Variants in RSPRY1 observed in about 807,000 individuals in gnomAD.
The protein encoded by RSPRY1 is RING finger and SPRY domain-containing protein 1.
RSPRY1 carries 23 observed loss-of-function variants against 73.1 expected under a neutral mutation model. The ratio of observed to expected loss-of-function variants is 0.31; its 90% confidence interval spans 0.23 to 0.45. The LOEUF is 0.45. Among genes scored for constraint, RSPRY1 ranks in the 20% least tolerant of loss-of-function variants. RSPRY1 has a pLI of 1.00. For synonymous variants in RSPRY1, 226 were observed against 251.4 expected (o/e 0.90, Z 0.95); for missense variants, 448 against 698.7 (o/e 0.64, Z 4.05).
Position 57,240,169 on chromosome 16 carries a change from T to A in RSPRY1, c.*1194T>A, listed in dbSNP as rs2075356755. On this transcript the variant is annotated 3_prime_UTR_variant, in exon 15 of 15. Transcript: ENST00000394420. ...AGTTTATACTTGAATAGTAAATATG[T>A]CTTCTGAGTTTTACAGTGTCTTAAA... 2 of 152,194 alleles carry A rather than the reference T, an allele frequency of 1.3e-5. No individual in the cohort carries two copies. The highest frequency in any genetic ancestry group is 2.9e-5 in the Non-Finnish European group (2 of 68,036). 9.4% of individuals were successfully genotyped at this position (152,194 alleles called of 1,614,324 possible).
intron 1 of RSPRY1, among the ~76,000 whole-genome samples, chr16:57,190,162 G>A (rs1323405956): frequency 6.6e-6 from 1 of 151,158 alleles, no homozygotes; most frequent in African/African-American, 2.5e-5. Context: ...GAGCCCAGGA[G>A]TTCAAGACCA....
chr16:57,196,033 A>AT (rs34703483), intron 1 of RSPRY1, among the ~76,000 whole-genome samples: 58,911 of 121,270 alleles, frequency 0.49, 14,153 homozygotes, highest in East Asian at 0.58. Context: ...AAAAAAAAAA[A>AT]AATATATATA....
intron 6 of RSPRY1, among the ~76,000 whole-genome samples, chr16:57,215,719 G>A (rs1295788746): frequency 6.6e-6 from 1 of 152,174 alleles, no homozygotes; most frequent in East Asian, 1.9e-4. Context: ...AGGATTCTAA[G>A]TAAAATATCA....
intron 1 of RSPRY1, 163 bp downstream of exon 1, chr16:57,186,614 G>A (rs1320051279): frequency 6.5e-6 from 1 of 152,990 alleles, no homozygotes; most frequent in East Asian, 1.9e-4. Flanking sequence ...GCCCGGGAGA[G>A]AGGTGGCGTT....
intron 3 of RSPRY1, among the ~76,000 whole-genome samples, chr16:57,208,398 A>ATT (rs1168128064): frequency 5.4e-3 from 93 of 17,222 alleles, no homozygotes; most frequent in South Asian, 8.6e-3. Flanking sequence ...ATATATATAT[A>ATT]TATTTTTTTT....
intron 14 of RSPRY1, 129 bp from the exon 15 acceptor site, chr16:57,238,750 T>C: frequency 1.9e-6 from 1 of 530,952 alleles, no homozygotes; most frequent in East Asian, 3.1e-5. Flanking sequence ...TTCATTTTTT[T>C]TAAACCATGT....
At chr16:57,236,977 C>A (rs978011901) in intron 14 of RSPRY1, among the ~76,000 whole-genome samples, 1 of 151,738 alleles carries the variant, frequency 6.6e-6, no homozygotes, top group Admixed American at 6.6e-5. Context: ...CCAGCCTGGC[C>A]AAGACAGTGA....
Position 57,212,835 on chromosome 16 carries a change from G to A in RSPRY1, c.517-137G>A, listed in dbSNP as rs140569775. The A allele has an allele frequency of 2.1e-3, 1,581 of 759,206 alleles. 19 individuals are homozygous for A. In the African/African-American group the frequency reaches 0.026, roughly 12 times the overall value. 47.0% of individuals were successfully genotyped at this position (759,206 alleles called of 1,614,324 possible). On this transcript the variant is annotated intron_variant, in intron 4 of 14. Coordinates refer to ENST00000394420, the MANE Select transcript of RSPRY1 (RefSeq NM_133368.3). Reference sequence around the variant, plus strand: ...TCACCATGTTGGCCAGGCTGGTGTCGAACTCTTGACCTTGTGGTCCGCCCG... The same window carrying A: ...TCACCATGTTGGCCAGGCTGGTGTCAAACTCTTGACCTTGTGGTCCGCCCG...
chr16:57,212,266 A>C (rs1203845273), intron 4 of RSPRY1, among the ~76,000 whole-genome samples: 1 of 152,204 alleles, frequency 6.6e-6, no homozygotes, highest in Non-Finnish European at 1.5e-5. Context: ...AGCCATGATC[A>C]CTTCACTGCA....
intron 4 of RSPRY1, among the ~76,000 whole-genome samples, chr16:57,210,744 G>A (rs2074826557): frequency 6.6e-6 from 1 of 151,854 alleles, no homozygotes; most frequent in Non-Finnish European, 1.5e-5. Context: ...TAGGTTGGGC[G>A]CAGTGGCTCA....
intron 13 of RSPRY1, among the ~76,000 whole-genome samples, chr16:57,233,763 A>C (rs2075261874): frequency 6.6e-6 from 1 of 152,056 alleles, no homozygotes; most frequent in Admixed American, 6.5e-5. Context: ...TTCCACATTC[A>C]ATCCCTCAGC....
rs74432679 is a variant in RSPRY1, at chr16:57,231,428, G to A, written c.1529+109G>A. ...TATAACAAATAAATTTTGAAAACCT[G>A]AGTAAAATGGATGACTTTTCAGGAA... On this transcript the variant is annotated intron_variant, in intron 13 of 14. Coordinates refer to ENST00000394420, the MANE Select transcript of RSPRY1 (RefSeq NM_133368.3). 1,223 of 1,047,876 alleles carry A rather than the reference G, an allele frequency of 1.2e-3. 5 individuals are homozygous for A. In the African/African-American group the frequency reaches 0.012, roughly 10 times the overall value. The allele number at this position is 1,047,876 out of a possible 1,614,324, so 64.9% of individuals were successfully genotyped here. A position where few individuals can be genotyped will look rare whatever the true frequency, so the allele number is the denominator to read the frequency against.
intron 1 of RSPRY1, among the ~76,000 whole-genome samples, chr16:57,192,978 A>G (rs2074376813): frequency 6.6e-6 from 1 of 152,114 alleles, no homozygotes; most frequent in Non-Finnish European, 1.5e-5. Flanking sequence ...GGCCTCCCAG[A>G]GTGTTGGGAT....
chr16:57,187,161 C>T lies in RSPRY1; in HGVS notation c.-156+710C>T, dbSNP rs2074231088. ...GAAAGGGAAACGGGAATTATTCCCT[C>T]TCTCTGTAGATCGACCAGGTGTCCC... is the stretch of plus-strand genomic sequence containing the variant. On this transcript the variant is annotated intron_variant, in intron 1 of 14. Coordinates refer to ENST00000394420, the MANE Select transcript of RSPRY1 (RefSeq NM_133368.3). The T allele has an allele frequency of 2.0e-5, 3 of 152,204 alleles. No individual in the cohort carries two copies. In the South Asian group the frequency reaches 6.2e-4, roughly 32 times the overall value. 9.4% of individuals were successfully genotyped at this position (152,204 alleles called of 1,614,324 possible).
chr16:57,198,546 A>C (rs1363372050), intron 1 of RSPRY1, among the ~76,000 whole-genome samples: 2 of 152,142 alleles, frequency 1.3e-5, no homozygotes, highest in African/African-American at 4.8e-5. Flanking sequence ...CTTCTTAATT[A>C]TTCCTAAATA....
At position 57,230,739 on chromosome 16, in the gene RSPRY1, G is replaced by T; in HGVS notation, c.1302G>T (p.Leu434Phe). ...ATACAGTAGGATTTCTGTTAGACTT[G>T]AATGAAAAGCAAATGATCTTCTTTT... is the stretch of plus-strand genomic sequence containing the variant. ...EGDTVGFLLD[L>F]NEKQMIFFLN... is the part of the protein sequence containing the mutation. Residue 434 changes from leucine to phenylalanine, a missense_variant, in exon 12 of 15, where the codon TTG becomes TTT. Leu to Phe is a conservative substitution (Grantham distance 22). Coordinates refer to ENST00000394420, the MANE Select transcript of RSPRY1 (RefSeq NM_133368.3). 1 of 1,609,014 alleles carries T rather than the reference G, an allele frequency of 6.2e-7. No individual in the cohort carries two copies. The highest frequency in any genetic ancestry group is 1.1e-5 in the South Asian group (1 of 90,966).
chr16:57,216,823 C>A, intron 7 of RSPRY1, 81 bp from the exon 8 acceptor site: 1 of 1,334,848 alleles, frequency 7.5e-7, no homozygotes, highest in Non-Finnish European at 1.1e-6. Flanking sequence ...TGCCTCTTCC[C>A]CCTCCTTAGC....
intron 1 of RSPRY1, among the ~76,000 whole-genome samples, chr16:57,193,084 A>G (rs1401329921): frequency 1.3e-5 from 2 of 152,184 alleles, no homozygotes; most frequent in Non-Finnish European, 1.5e-5. Context: ...TCCTCAGTGC[A>G]TAAGGGAAAT....
chr16:57,216,425 C>A, intron 7 of RSPRY1: 1 of 444,872 alleles, frequency 2.2e-6, no homozygotes, highest in Non-Finnish European at 4.0e-6. Flanking sequence ...GATGTGATTG[C>A]TAGTTTCTAG....
Sources: gnomAD v4.1 joint callset for allele counts (sites outside exome capture counted in the v4.1 genomes callset) on GRCh38, gnomAD v4.1.1 for gene constraint, MANE v1.5 for transcripts, NCBI Gene and HGNC (gene_info 2026-07-23, HGNC 2026-07-21) for gene names.